The following ANO10 variants were observed in gnomAD, a reference collection of about 807,000 sequenced individuals.
The protein encoded by ANO10 is anoctamin 10.
ANO10 carries 77 observed loss-of-function variants against 74.7 expected under a neutral mutation model. The observed-to-expected ratio is 1.03, with a 90% CI of 0.86 to 1.25. The LOEUF is 1.25. Ranked by LOEUF, ANO10 falls within the 50% of genes most tolerant of loss-of-function variation. The pLI is 0.00. For synonymous variants in ANO10, 279 were observed against 284.9 expected, an observed-to-expected ratio of 0.98 and a Z score of 0.21; for missense variants, 721 against 778.1, an observed-to-expected ratio of 0.93 and a Z score of 0.87.
intron 12 of ANO10, among the ~76,000 whole-genome samples, chr3:43,375,286 A>C (rs970731902): frequency 6.6e-5 from 10 of 152,038 alleles, no homozygotes; most frequent in African/African-American, 2.2e-4. Flanking sequence ...TCTCTACTAA[A>C]AATACAAAAA....
chr3:43,647,153 A>ATGTGTGTGTGTGTGTGTG (rs57290936), intron 1 of ANO10, among the ~76,000 whole-genome samples: 51 of 141,784 alleles, frequency 3.6e-4, no homozygotes, highest in Non-Finnish European at 6.1e-4. Context: ...ATGTGTATAT[A>ATGTGTGTGTGTGTGTGTG]TGTGTGTGTG....
chr3:43,675,273 C>T (rs2084108626), intron 1 of ANO10, among the ~76,000 whole-genome samples: 1 of 152,058 alleles, frequency 6.6e-6, no homozygotes, highest in African/African-American at 2.4e-5. Flanking sequence ...AATCATAAAA[C>T]TTTTAGAAAA....
intron 1 of ANO10, among the ~76,000 whole-genome samples, chr3:43,609,907 G>A (rs183072476): frequency 1.4e-3 from 218 of 152,280 alleles, no homozygotes; most frequent in African/African-American, 5.1e-3. Flanking sequence ...GTCAGTGAGT[G>A]AGTGGTTAGT....
intron 1 of ANO10, among the ~76,000 whole-genome samples, chr3:43,657,021 T>TTA (rs2083865074): frequency 1.3e-5 from 2 of 152,256 alleles, no homozygotes; most frequent in African/African-American, 4.8e-5. Context: ...AGTGTTTTCT[T>TTA]GTGAACAAAA....
chr3:43,408,255 G>A (rs1049960724), intron 12 of ANO10, among the ~76,000 whole-genome samples: 1 of 151,644 alleles, frequency 6.6e-6, no homozygotes, highest in African/African-American at 2.4e-5. Flanking sequence ...GCAGTTCTTG[G>A]TCATAGAGAG....
At chr3:43,691,102 T>G (rs2084368712) in intron 1 of ANO10, 7 of 1,464,728 alleles carry the variant, frequency 4.8e-6, no homozygotes, top group Admixed American at 2.4e-5. Flanking sequence ...CGGGCCGGGT[T>G]AGGGCCCAGC....
At chr3:43,666,266 A>C (rs2083990858) in intron 1 of ANO10, among the ~76,000 whole-genome samples, 1 of 152,156 alleles carries the variant, frequency 6.6e-6, no homozygotes, top group South Asian at 2.1e-4. Flanking sequence ...TAAAGGCTAA[A>C]TTACAGTGAT....
intron 11 of ANO10, among the ~76,000 whole-genome samples, chr3:43,498,909 G>A (rs550225640): frequency 9.2e-5 from 14 of 152,198 alleles, no homozygotes; most frequent in Non-Finnish European, 1.9e-4. Flanking sequence ...ATATATGATC[G>A]TTCATTGTCA....
chr3:43,632,471 C>T (rs375430361), intron 1 of ANO10, among the ~76,000 whole-genome samples: 1 of 152,282 alleles, frequency 6.6e-6, no homozygotes, highest in African/African-American at 2.4e-5. Context: ...GTAACTGCTT[C>T]CGCTCCTTGC....
chr3:43,682,127 C>G (rs893172780), intron 1 of ANO10, among the ~76,000 whole-genome samples: 19 of 152,052 alleles, frequency 1.2e-4, no homozygotes, highest in Non-Finnish European at 2.1e-4. Context: ...TTCAAAAAAT[C>G]AATGAATCCA....
rs5848663 is a variant in ANO10, at chr3:43,432,944, C to CTTTTTTTTTTTTTTTTTTTTTTTTTT, written c.1798-243_1798-218dup. Among the ~76,000 whole-genome samples, 11 of 55,276 alleles carry CTTTTTTTTTTTTTTTTTTTTTTTTTT rather than the reference C, an allele frequency of 2.0e-4. 3 individuals are homozygous for CTTTTTTTTTTTTTTTTTTTTTTTTTT. Among genetic ancestry groups the CTTTTTTTTTTTTTTTTTTTTTTTTTT allele is most frequent in the Non-Finnish European group, 3.3e-4 (10 of 30,062 alleles). 36.3% of individuals were successfully genotyped at this position (55,276 alleles called of 152,430 possible). On this transcript the variant is annotated intron_variant, in intron 11 of 12. Coordinates refer to ENST00000292246, the MANE Select transcript of ANO10 (RefSeq NM_018075.5). The stretch of plus-strand genomic sequence containing the variant: ...CAGTAATTACTGACTTTGCTTAATT[C>CTTTTTTTTTTTTTTTTTTTTTTTTTT]TTTTTTTTTTTTTTTTTTTTTTTTT...
At chr3:43,552,311 T>C (rs1400522175) in intron 10 of ANO10, among the ~76,000 whole-genome samples, 1 of 152,102 alleles carries the variant, frequency 6.6e-6, no homozygotes, top group African/African-American at 2.4e-5. Context: ...TCCTAGCACT[T>C]TGGAAGGCCA....
intron 12 of ANO10, among the ~76,000 whole-genome samples, chr3:43,406,930 A>G (rs2148883147): frequency 6.6e-6 from 1 of 150,454 alleles, no homozygotes; most frequent in Middle Eastern, 3.5e-3. Flanking sequence ...TTGAGAGGGA[A>G]TCTTGCTCTG....
At chr3:43,633,985 T>C (rs1405833031) in intron 1 of ANO10, among the ~76,000 whole-genome samples, 7 of 124,240 alleles carry the variant, frequency 5.6e-5, no homozygotes, top group African/African-American at 2.2e-4. Context: ...ATCTTTCTTA[T>C]CATGGACAGC....
chr3:43,410,923 T>C (rs1419913732), intron 12 of ANO10, among the ~76,000 whole-genome samples: 2 of 151,980 alleles, frequency 1.3e-5, no homozygotes, highest in African/African-American at 4.8e-5. Context: ...TTTTCTCTGA[T>C]AATTCCTGAA....
chr3:43,406,873 C>T (rs931714731), intron 12 of ANO10, among the ~76,000 whole-genome samples: 1 of 151,990 alleles, frequency 6.6e-6, no homozygotes, highest in African/African-American at 2.4e-5. Context: ...GTTATTCCAC[C>T]TGCAGTGTGC....
chr3:43,404,876 CAAAA>C (rs3048939), intron 12 of ANO10, among the ~76,000 whole-genome samples: 6 of 81,394 alleles, frequency 7.4e-5, no homozygotes, highest in Non-Finnish European at 1.2e-4. Context: ...GAACCTGTCT[CAAAA>C]AAAAAAAAAA....
chr3:43,591,816 A>C (rs1326909696), intron 4 of ANO10, among the ~76,000 whole-genome samples: 2 of 152,220 alleles, frequency 1.3e-5, no homozygotes, highest in African/African-American at 4.8e-5. Context: ...TCACCCAGGA[A>C]GCACAAGGGG....
At chr3:43,657,083 C>A (rs1177702663) in intron 1 of ANO10, among the ~76,000 whole-genome samples, 1 of 152,248 alleles carries the variant, frequency 6.6e-6, no homozygotes. Context: ...TGTTTCAATT[C>A]TAACAATGAT....
Sources: allele counts gnomAD v4.1 joint callset (sites outside exome capture counted in the v4.1 genomes callset), GRCh38; gene constraint gnomAD v4.1.1; transcripts MANE v1.5; gene names NCBI Gene and HGNC (gene_info 2026-07-23, HGNC 2026-07-21).